Variants in POFUT4 observed in about 807,000 individuals in gnomAD.
The protein encoded by POFUT4 is GDP-fucose protein O-fucosyltransferase 4.
At chr10:73,778,070 G>A in the POFUT4 span, among the ~76,000 whole-genome samples, 5 of 149,822 alleles carry the variant, frequency 3.3e-5, no homozygotes, top group Non-Finnish European at 5.9e-5. Context: ...TGCCATGTTG[G>A]CCAGGCTGGT....
chr10:73,775,786 C>A, the POFUT4 span: 1 of 1,203,992 alleles, frequency 8.3e-7, no homozygotes, highest in South Asian at 1.4e-5. Flanking sequence ...TGAACACTGT[C>A]TTTTCATGGA....
the POFUT4 span, chr10:73,774,694 T>TCACACA: frequency 0.02 from 2,969 of 150,216 alleles, 42 homozygotes; most frequent in African/African-American, 0.04. Flanking sequence ...TAAGACCCTG[T>TCACACA]CACACACACA....
the POFUT4 span, chr10:73,773,766 G>C: frequency 6.2e-7 from 1 of 1,605,300 alleles, no homozygotes; most frequent in Admixed American, 1.7e-5. Context: ...GGACTGCCCA[G>C]TGCCCACACC....
At chr10:73,772,948 C>T in the POFUT4 span, 5 of 1,607,258 alleles carry the variant, frequency 3.1e-6, no homozygotes, top group East Asian at 4.5e-5. Flanking sequence ...AGTGGCGCCG[C>T]CGCGGCTACG....
the POFUT4 span, chr10:73,775,517 C>G: frequency 6.2e-7 from 1 of 1,614,220 alleles, no homozygotes; most frequent in Non-Finnish European, 8.5e-7. Context: ...GTTCCATAAT[C>G]CAACCCCCAT....
At chr10:73,777,456 T>C in the POFUT4 span, among the ~76,000 whole-genome samples, 7 of 152,242 alleles carry the variant, frequency 4.6e-5, no homozygotes, top group Non-Finnish European at 1.0e-4. Flanking sequence ...AGTGTGGCTG[T>C]ATGTTTTAGT....
At chr10:73,772,562 G>A in the POFUT4 span, 1 of 1,585,924 alleles carries the variant, frequency 6.3e-7, no homozygotes, top group African/African-American at 1.4e-5. Flanking sequence ...GGACTTGCCG[G>A]TACTGCTGTG....
chr10:73,775,504 G>A, the POFUT4 span: 1 of 1,614,198 alleles, frequency 6.2e-7, no homozygotes. Flanking sequence ...TAACTATGCT[G>A]CAGTTCCATA....
At chr10:73,777,654 A>G in the POFUT4 span, among the ~76,000 whole-genome samples, 1 of 151,586 alleles carries the variant, frequency 6.6e-6, no homozygotes, top group East Asian at 1.9e-4. Context: ...TTCCCAGTTC[A>G]AGTGATTCTC....
chr10:73,778,636 A>G, the POFUT4 span, among the ~76,000 whole-genome samples: 1 of 152,136 alleles, frequency 6.6e-6, no homozygotes, highest in Admixed American at 6.6e-5. Context: ...ACCTATATAG[A>G]TAGATATATG....
the POFUT4 span, chr10:73,772,780 G>A: frequency 1.9e-6 from 3 of 1,609,816 alleles, no homozygotes; most frequent in Non-Finnish European, 2.5e-6. Flanking sequence ...ACGAGGAGTC[G>A]CCCCTCAACA....
chr10:73,772,455 C>G, the POFUT4 span: 1 of 1,559,748 alleles, frequency 6.4e-7, no homozygotes. Context: ...TGGGCGGAAC[C>G]GTGGGATGGC....
the POFUT4 span, among the ~76,000 whole-genome samples, chr10:73,778,200 A>AG: frequency 6.9e-6 from 1 of 144,772 alleles, no homozygotes; most frequent in African/African-American, 2.5e-5. Flanking sequence ...CAAGGGGATG[A>AG]GGAGGTTTAA....
chr10:73,772,762 G>T, the POFUT4 span: 3 of 1,606,600 alleles, frequency 1.9e-6, no homozygotes, highest in South Asian at 2.2e-5. Context: ...AGAGCTGGGC[G>T]CTCCTCCACG....
the POFUT4 span, chr10:73,772,998 C>T: frequency 3.8e-6 from 6 of 1,591,050 alleles, no homozygotes; most frequent in South Asian, 1.1e-5. Context: ...GACGTGCCAG[C>T]GGACCGGGAC....
the POFUT4 span, chr10:73,773,537 A>G: frequency 6.2e-7 from 1 of 1,614,256 alleles, no homozygotes; most frequent in South Asian, 1.1e-5. Context: ...AATACCTGGC[A>G]TACAAGCAAC....
At chr10:73,773,820 G>C in the POFUT4 span, 1 of 1,554,154 alleles carries the variant, frequency 6.4e-7, no homozygotes. Context: ...TGACAGGTAA[G>C]AGTGCTGGGG....
At chr10:73,773,482 CAG>C in the POFUT4 span, 2 of 1,614,090 alleles carry the variant, frequency 1.2e-6, no homozygotes, top group Non-Finnish European at 1.7e-6. Flanking sequence ...CAGAAGCTGG[CAG>C]AGTTTATTGA....
At chr10:73,772,808 G>A in the POFUT4 span, 2 of 1,611,868 alleles carry the variant, frequency 1.2e-6, no homozygotes, top group Non-Finnish European at 1.7e-6. Flanking sequence ...GCTGAGCCAC[G>A]GCCCGGGCAT....
Sources: gnomAD v4.1 joint callset for allele counts (sites outside exome capture counted in the v4.1 genomes callset) on GRCh38, gnomAD v4.1.1 for gene constraint, MANE v1.5 for transcripts, NCBI Gene and HGNC (gene_info 2026-07-23, HGNC 2026-07-21) for gene names.